NEK10: variants seen among roughly 807,000 people sequenced by gnomAD.
NEK10 encodes the protein serine/threonine-protein kinase Nek10.
Under a neutral mutation model 159.8 loss-of-function variants are expected in NEK10, and 122 were observed. The observed-to-expected ratio is 0.76, with a 90% CI of 0.66 to 0.89. The LOEUF is 0.89. Among genes scored for constraint, NEK10 ranks in the 40% least tolerant of loss-of-function variants. The pLI is 0.00. For synonymous variants in NEK10, 466 were observed against 457.1 expected (o/e 1.02, Z -0.25); for missense variants, 1,342 against 1,323.1 (o/e 1.01, Z -0.22).
At chr3:27,242,821 T>C (rs1954700983) in intron 23 of NEK10, among the ~76,000 whole-genome samples, 1 of 152,178 alleles carries the variant, frequency 6.6e-6, no homozygotes, top group Admixed American at 6.5e-5. Context: ...AGTACTAAAA[T>C]GAAATTGACC....
chr3:27,159,106 ATAGTCCAG>A (rs1945769809), intron 30 of NEK10, among the ~76,000 whole-genome samples: 1 of 152,202 alleles, frequency 6.6e-6, no homozygotes, highest in Admixed American at 6.5e-5. Flanking sequence ...CAGGTATGAA[ATAGTCCAG>A]TAGGAAACGT....
At chr3:27,119,672 A>T (rs866184935) in intron 33 of NEK10, 88 bp downstream of exon 33, 4 of 1,021,968 alleles carry the variant, frequency 3.9e-6, no homozygotes, top group Admixed American at 4.0e-5. Context: ...TTTAAAAAAA[A>T]ATTGGAGATA....
At chr3:27,322,469 C>T (rs2045716163) in intron 5 of NEK10, among the ~76,000 whole-genome samples, 1 of 151,964 alleles carries the variant, frequency 6.6e-6, no homozygotes, top group African/African-American at 2.4e-5. Flanking sequence ...AGAGGCCCCC[C>T]CCAAACTTAT....
intron 31 of NEK10, 39 bp from the exon 32 acceptor site, chr3:27,132,029 T>C (rs748793279): frequency 1.4e-5 from 16 of 1,174,134 alleles, no homozygotes; most frequent in Non-Finnish European, 2.0e-5. Flanking sequence ...AAACAAATTG[T>C]TAACACTACA....
At chr3:27,189,673 C>T (rs1011720913) in intron 26 of NEK10, among the ~76,000 whole-genome samples, 1 of 151,904 alleles carries the variant, frequency 6.6e-6, no homozygotes, top group African/African-American at 2.4e-5. Context: ...GAGAAAAATG[C>T]CAATTAACTG....
At chr3:27,274,750 A>G (rs1348871145) in intron 22 of NEK10, among the ~76,000 whole-genome samples, 2 of 152,148 alleles carry the variant, frequency 1.3e-5, no homozygotes, top group South Asian at 2.1e-4. Flanking sequence ...TGAAGCTCCA[A>G]TGGCTTTAGT....
At chr3:27,178,247 C>G (rs1023165101) in intron 26 of NEK10, among the ~76,000 whole-genome samples, 2 of 152,126 alleles carry the variant, frequency 1.3e-5, no homozygotes, top group African/African-American at 4.8e-5. Flanking sequence ...CTAACAGTAA[C>G]AGACTGACAT....
At chr3:27,124,651 A>C (rs1310802979) in intron 32 of NEK10, among the ~76,000 whole-genome samples, 1 of 152,208 alleles carries the variant, frequency 6.6e-6, no homozygotes, top group Admixed American at 6.5e-5. Flanking sequence ...TTAGCGGGTA[A>C]AAGAAATGAA....
In NEK10 at chr3:27,309,145, T is replaced by G. The variant is rs1180177731; in HGVS notation, c.637-140A>C. 1.8e-5 allele frequency: 4 copies of G among 223,304 alleles called. No individual in the cohort carries two copies. In the East Asian group the frequency reaches 2.3e-4, roughly 13 times the overall value. The allele number at this position is 223,304 out of a possible 1,614,324, so 13.8% of individuals were successfully genotyped here. A position where few individuals can be genotyped will look rare whatever the true frequency, so the allele number is the denominator to read the frequency against. ...TCTTAAGATCATATAGGCTTAACTG[T>G]TTTTTTTTTTTGCTTAGTAGTTTAT... On this transcript the variant is annotated intron_variant, in intron 9 of 35. Transcript: ENST00000691995.
rs189928498 is a variant in NEK10, at chr3:27,195,478, C to A, written c.2292-3236G>T. On this transcript the variant is annotated intron_variant, in intron 25 of 35. Transcript: ENST00000691995. Reference sequence around the variant, plus strand: ...ATAAAACTTTATTTGGAATGTAAACCCAGACAATGAGGAGTCTTAACTTTA... The same window carrying A: ...ATAAAACTTTATTTGGAATGTAAACACAGACAATGAGGAGTCTTAACTTTA... 3.3e-5 allele frequency among the ~76,000 whole-genome samples: 5 copies of A among 152,060 alleles called. No homozygotes were observed. In the East Asian group the frequency reaches 5.8e-4, roughly 18 times the overall value.
intron 12 of NEK10, among the ~76,000 whole-genome samples, chr3:27,303,805 GATA>G (rs2044022700): frequency 6.6e-6 from 1 of 152,138 alleles, no homozygotes; most frequent in South Asian, 2.1e-4. Context: ...ACATTGATTT[GATA>G]ATATCTAGTT....
chr3:27,214,212 T>C (rs942260516), intron 23 of NEK10, among the ~76,000 whole-genome samples: 1 of 152,220 alleles, frequency 6.6e-6, no homozygotes, highest in African/African-American at 2.4e-5. Flanking sequence ...CGTATGTTGA[T>C]TGATGTCTTA....
intron 1 of NEK10, among the ~76,000 whole-genome samples, chr3:27,357,325 C>A (rs564890818): frequency 1.3e-5 from 2 of 152,146 alleles, no homozygotes; most frequent in South Asian, 4.2e-4. Flanking sequence ...TTAAAAAAAA[C>A]CTGTGTTATT....
At chr3:27,311,866 C>A in intron 8 of NEK10, 1 of 441,372 alleles carries the variant, frequency 2.3e-6, no homozygotes, top group Non-Finnish European at 4.0e-6. Flanking sequence ...TTTATGGAAG[C>A]CTCTCTTGCA....
chr3:27,141,368 T>G (rs1943768005), intron 31 of NEK10, 114 bp downstream of exon 31: 1 of 707,668 alleles, frequency 1.4e-6, no homozygotes, highest in Non-Finnish European at 2.3e-6. Flanking sequence ...TGTATGTAGC[T>G]GGGGAGGATA....
At chr3:27,143,907 C>A (rs540514541) in intron 30 of NEK10, among the ~76,000 whole-genome samples, 2 of 152,160 alleles carry the variant, frequency 1.3e-5, no homozygotes, top group East Asian at 3.8e-4. Flanking sequence ...ATGTTATGAT[C>A]AGCATTTTGA....
At chr3:27,365,610 G>GTTTTTTTTTTTTTTTTTTTTTTTTTGT (rs71091129) in intron 1 of NEK10, among the ~76,000 whole-genome samples, 1 of 99,106 alleles carries the variant, frequency 1.0e-5, no homozygotes, top group Non-Finnish European at 1.9e-5. Context: ...TTTTTTTTGT[G>GTTTTTTTTTTTTTTTTTTTTTTTTTGT]TTTTTTTTTT....
chr3:27,256,194 T>G, intron 23 of NEK10, 102 bp downstream of exon 23: 1 of 525,642 alleles, frequency 1.9e-6, no homozygotes, highest in Non-Finnish European at 3.1e-6. Flanking sequence ...TAAAATAAGC[T>G]TTCTTTCCTG....
chr3:27,208,753 T>C (rs984276311), intron 23 of NEK10, among the ~76,000 whole-genome samples: 2 of 152,216 alleles, frequency 1.3e-5, no homozygotes, highest in East Asian at 1.9e-4. Context: ...TTCATGTATG[T>C]CTGCAAGATC....
Sources: allele counts gnomAD v4.1 joint callset (sites outside exome capture counted in the v4.1 genomes callset), GRCh38; gene constraint gnomAD v4.1.1; transcripts MANE v1.5; gene names NCBI Gene and HGNC (gene_info 2026-07-23, HGNC 2026-07-21).